CCDC83: variants seen among roughly 807,000 people sequenced by gnomAD.
CCDC83 encodes coiled-coil domain-containing protein 83.
CCDC83 carries 54 observed loss-of-function variants against 50.1 expected under a neutral mutation model. The ratio of observed to expected loss-of-function variants is 1.08; its 90% CI spans 0.87 to 1.35. The LOEUF (loss-of-function observed/expected upper bound fraction) is 1.35, where lower values mean the gene tolerates loss of function less well. Ranked by LOEUF, CCDC83 falls within the 40% of genes most tolerant of loss-of-function variation. CCDC83 has a pLI of 0.00. For missense variants in CCDC83, 518 were observed against 473.9 expected (o/e 1.09, Z -0.86); for synonymous variants, 161 against 153.3 (o/e 1.05, Z -0.37).
intron 7 of CCDC83, among the ~76,000 whole-genome samples, chr11:85,899,294 T>C (rs1355283544): frequency 6.6e-6 from 1 of 152,228 alleles, no homozygotes; most frequent in Non-Finnish European, 1.5e-5. Context: ...GTCTTCCTCA[T>C]GAGCCTGCTT....
intron 4 of CCDC83, among the ~76,000 whole-genome samples, chr11:85,883,486 T>A (rs1029074403): frequency 6.6e-6 from 1 of 152,076 alleles, no homozygotes; most frequent in Non-Finnish European, 1.5e-5. Context: ...ACATGGGTAG[T>A]AATGACACTA....
intron 8 of CCDC83, among the ~76,000 whole-genome samples, chr11:85,915,052 A>G (rs917395889): frequency 1.3e-5 from 2 of 152,160 alleles, no homozygotes; most frequent in Non-Finnish European, 2.9e-5. Flanking sequence ...CTCCCACAAC[A>G]TATGGGGATT....
intron 4 of CCDC83, among the ~76,000 whole-genome samples, chr11:85,885,726 T>C (rs2093323739): frequency 6.6e-6 from 1 of 152,242 alleles, no homozygotes; most frequent in African/African-American, 2.4e-5. Context: ...AAATGAACTT[T>C]AGATGACTGA....
chr11:85,864,148 T>C (rs2093193638), intron 1 of CCDC83, among the ~76,000 whole-genome samples: 1 of 152,246 alleles, frequency 6.6e-6, no homozygotes, highest in African/African-American at 2.4e-5. Context: ...CAAGCATTTA[T>C]TGTGTGTCTA....
chr11:85,868,341 T>C (rs185981166), intron 2 of CCDC83, among the ~76,000 whole-genome samples: 110 of 152,336 alleles, frequency 7.2e-4, no homozygotes, highest in African/African-American at 2.6e-3. Flanking sequence ...GATTATGATA[T>C]AGATTTTTTT....
intron 4 of CCDC83, among the ~76,000 whole-genome samples, chr11:85,884,050 A>C (rs2093314585): frequency 1.3e-5 from 2 of 152,190 alleles, no homozygotes; most frequent in Admixed American, 1.3e-4. Context: ...GTGAGACCCC[A>C]AAGGATGCTC....
chr11:85,865,056 G>C (rs999088734), intron 1 of CCDC83, 40 bp from the exon 2 acceptor site: 1 of 1,005,226 alleles, frequency 9.9e-7, no homozygotes, highest in Non-Finnish European at 1.5e-6. Flanking sequence ...GGGAGGCAAA[G>C]ATGGAATTTT....
chr11:85,895,440 T>A (rs2093369794), intron 6 of CCDC83, 56 bp downstream of exon 6: 1 of 1,137,964 alleles, frequency 8.8e-7, no homozygotes, highest in African/African-American at 1.6e-5. Flanking sequence ...CCCTATTTTT[T>A]CTTTGGGTAT....
At chr11:85,914,066 G>T (rs1269440735) in intron 8 of CCDC83, among the ~76,000 whole-genome samples, 10 of 152,190 alleles carry the variant, frequency 6.6e-5, no homozygotes, top group Admixed American at 6.5e-4. Flanking sequence ...ACAGCTACAT[G>T]TGAAACTTAC....
chr11:85,856,636 A>C (rs1001746566), intron 1 of CCDC83, among the ~76,000 whole-genome samples: 9 of 152,240 alleles, frequency 5.9e-5, no homozygotes, highest in African/African-American at 1.9e-4. Context: ...AGGATTGGTG[A>C]AGAAAATACA....
At chr11:85,900,018 A>G (rs2093393657) in intron 7 of CCDC83, among the ~76,000 whole-genome samples, 1 of 152,216 alleles carries the variant, frequency 6.6e-6, no homozygotes, top group Non-Finnish European at 1.5e-5. Context: ...GACAAAAAGT[A>G]GATGTGAGAG....
chr11:85,882,639 T>C lies in CCDC83; in HGVS notation c.307T>C (p.Trp103Arg), dbSNP rs766199615. The C allele has an allele frequency of 6.2e-7, 1 of 1,613,762 alleles. No individual in the cohort carries two copies. Among genetic ancestry groups the C allele is most frequent in the African/African-American group, 1.3e-5 (1 of 74,956 alleles). Reference protein sequence around the residue: ...EDVEEAMKEKWKFERDQEKNL... With the variant: ...EDVEEAMKEKRKFERDQEKNL... ...TGTTGAAGAAGCGATGAAGGAAAAA[T>C]GGAAGTTTGAAAGAGACCAGGAAAA... The change falls in exon 4 of 11, where the codon TGG becomes CGG. Residue 103 changes from tryptophan to arginine, a missense_variant. By Grantham distance (101) the Trp-to-Arg change is moderately radical. Transcript: ENST00000342404.
At chr11:85,912,819 G>C in intron 8 of CCDC83, 1 of 879,978 alleles carries the variant, frequency 1.1e-6, no homozygotes, top group South Asian at 1.3e-5. Context: ...CTTTAGGAAA[G>C]AGATACCCTC....
rs10594256 is a variant in CCDC83 at position 85,895,264 on chromosome 11, CTTTTTTTTTTT to C, written c.512-15_512-5del. On this transcript the variant is annotated intron_variant, in intron 5 of 10. Coordinates refer to ENST00000342404, the MANE Select transcript of CCDC83 (RefSeq NM_001286159.2). The stretch of plus-strand genomic sequence containing the variant: ...CATGCTTGATAAGGCTTTTAATTTT[CTTTTTTTTTTT>C]TTTTTTTTTTTTTAAAGAACACTAT... 20 of 363,096 alleles carry C rather than the reference CTTTTTTTTTTT, an allele frequency of 5.5e-5. No homozygotes were observed. The highest frequency in any genetic ancestry group is 6.3e-5 in the Admixed American group (1 of 15,840). The allele number at this position is 363,096 out of a possible 1,614,324, so 22.5% of individuals were successfully genotyped here. A position where few individuals can be genotyped will look rare whatever the true frequency, so the allele number is the denominator to read the frequency against.
rs1361378055 is a variant in CCDC83, at chr11:85,919,488, A to T, written c.1220A>T (p.Lys407Met). 6.2e-7 allele frequency: 1 copy of T among 1,608,244 alleles called. No individual in the cohort carries two copies. Among genetic ancestry groups the T allele is most frequent in the African/African-American group, 1.3e-5 (1 of 74,668 alleles). Residue 407 changes from lysine (K) to methionine (M), a missense_variant, in exon 11 of 11, where the codon AAG becomes ATG. Transcript: ENST00000342404. ...AGCCCAGAAAGCCACATCACATATA[A>T]GATGATGAAGTCTTTTCTCTAAGAC... ...VRSPESHITY[K>M]MMKSFL
At chr11:85,875,023 G>A (rs960855717) in intron 3 of CCDC83, among the ~76,000 whole-genome samples, 1 of 152,168 alleles carries the variant, frequency 6.6e-6, no homozygotes, top group African/African-American at 2.4e-5. Flanking sequence ...GAGCAAGGCG[G>A]GAAGTTTTAT....
At chr11:85,893,323 A>T (rs1456172895) in intron 5 of CCDC83, among the ~76,000 whole-genome samples, 2 of 152,256 alleles carry the variant, frequency 1.3e-5, no homozygotes, top group African/African-American at 4.8e-5. Context: ...AGTACAAAGT[A>T]TAGACGAGGG....
chr11:85,899,110 T>A (rs1033012779), intron 7 of CCDC83, 95 bp downstream of exon 7: 3 of 895,166 alleles, frequency 3.4e-6, no homozygotes, highest in Non-Finnish European at 5.4e-6. Flanking sequence ...GGGAAAAGCA[T>A]GGTACCATGA....
chr11:85,901,281 A>C (rs1377426444), intron 7 of CCDC83, among the ~76,000 whole-genome samples: 1 of 152,166 alleles, frequency 6.6e-6, no homozygotes, highest in Non-Finnish European at 1.5e-5. Flanking sequence ...CAAATATAAA[A>C]CAGGAAATAG....
Sources: gnomAD v4.1 joint callset for allele counts (sites outside exome capture counted in the v4.1 genomes callset) on GRCh38, gnomAD v4.1.1 for gene constraint, MANE v1.5 for transcripts, NCBI Gene and HGNC (gene_info 2026-07-23, HGNC 2026-07-21) for gene names.